Variants in UST observed in about 807,000 individuals in gnomAD.
UST encodes chondroitin sulfate 2-O-sulfotransferase.
Under a neutral mutation model 45.6 loss-of-function variants are expected in UST, and 21 were observed. The ratio of observed to expected loss-of-function variants is 0.46; its 90% CI spans 0.33 to 0.66. The LOEUF is 0.66. Ranked by LOEUF, UST falls within the 30% of genes least tolerant of loss-of-function variation. The pLI, the probability that UST is intolerant of heterozygous loss-of-function variation, is 0.02. For missense variants in UST, 463 were observed against 512.4 expected (o/e 0.90, Z 0.93); for synonymous variants, 215 against 200.6 (o/e 1.07, Z -0.61).
At chr6:148,802,531 G>A (rs549989596) in intron 1 of UST, among the ~76,000 whole-genome samples, 183 of 152,058 alleles carry the variant, frequency 1.2e-3, no homozygotes, top group Non-Finnish European at 2.0e-3. Flanking sequence ...AAGGGCTAAG[G>A]GCTTCAGAGA....
chr6:148,769,451 CA>C (rs1380111133), intron 1 of UST, among the ~76,000 whole-genome samples: 1 of 152,240 alleles, frequency 6.6e-6, no homozygotes, highest in Admixed American at 6.5e-5. Context: ...CATTGGGCTT[CA>C]AATCAGAAGT....
intron 2 of UST, among the ~76,000 whole-genome samples, chr6:148,916,930 G>A (rs1160065642): frequency 2.6e-5 from 4 of 152,220 alleles, no homozygotes; most frequent in African/African-American, 4.8e-5. Flanking sequence ...TGCTCATCAC[G>A]TTGCATAGTT....
chr6:148,936,573 CTTTTTTTTTTT>C (rs138494669), intron 2 of UST, among the ~76,000 whole-genome samples: 4 of 85,368 alleles, frequency 4.7e-5, no homozygotes, highest in African/African-American at 1.4e-4. Context: ...AAAATCAGTC[CTTTTTTTTTTT>C]TTTTTTTTTT....
chr6:149,069,273 C>CTGGATCA (rs1379310440), intron 7 of UST, among the ~76,000 whole-genome samples: 1 of 152,160 alleles, frequency 6.6e-6, no homozygotes, highest in African/African-American at 2.4e-5. Flanking sequence ...AGAAGGGTTG[C>CTGGATCA]TGGATCATGG....
At chr6:149,063,163 C>T (rs561145356) in intron 7 of UST, among the ~76,000 whole-genome samples, 2 of 152,266 alleles carry the variant, frequency 1.3e-5, no homozygotes, top group Admixed American at 1.3e-4. Flanking sequence ...AAGTCTATCC[C>T]CCTGTGGCCC....
chr6:149,000,777 ATAAT>A (rs1266065224), intron 5 of UST, among the ~76,000 whole-genome samples: 1 of 152,232 alleles, frequency 6.6e-6, no homozygotes, highest in African/African-American at 2.4e-5. Flanking sequence ...TATCTTTAAA[ATAAT>A]TAAGTAAAAT....
intron 2 of UST, among the ~76,000 whole-genome samples, chr6:148,907,075 T>C (rs1019908818): frequency 6.6e-6 from 1 of 152,192 alleles, no homozygotes; most frequent in South Asian, 2.1e-4. Context: ...TTTATTTTAT[T>C]ACGGTAAGAC....
chr6:148,844,906 T>G lies in UST; in HGVS notation c.248-42080T>G, dbSNP rs191057564. ...GGCATTTGGTTTTCTGTTCCTGTGCTAATTCACTTGGCATTATGGTCTCCA... is the reference window on the plus strand; with the variant it reads ...GGCATTTGGTTTTCTGTTCCTGTGCGAATTCACTTGGCATTATGGTCTCCA... On this transcript the variant is annotated intron_variant, in intron 1 of 7. Coordinates refer to ENST00000367463, the MANE Select transcript of UST (RefSeq NM_005715.3). Among the ~76,000 whole-genome samples the G allele has an allele frequency of 1.1e-4, 16 of 152,340 alleles. No homozygotes were observed. In the East Asian group the frequency reaches 3.1e-3, roughly 29 times the overall value.
chr6:148,812,034 G>T (rs1777267418), intron 1 of UST, among the ~76,000 whole-genome samples: 1 of 152,114 alleles, frequency 6.6e-6, no homozygotes, highest in Non-Finnish European at 1.5e-5. Flanking sequence ...ATTAAATAGT[G>T]CATTTGCAAT....
At chr6:148,951,446 T>C (rs1780362504) in intron 3 of UST, among the ~76,000 whole-genome samples, 1 of 152,162 alleles carries the variant, frequency 6.6e-6, no homozygotes, top group Admixed American at 6.5e-5. Context: ...TAATAAGTAC[T>C]CAATGAATGA....
chr6:148,840,522 A>G (rs1777868139), intron 1 of UST, among the ~76,000 whole-genome samples: 1 of 152,114 alleles, frequency 6.6e-6, no homozygotes, highest in Non-Finnish European at 1.5e-5. Flanking sequence ...CGGTATCTGC[A>G]GGGGATTGGT....
chr6:148,747,559 C>G lies in UST; in HGVS notation c.129C>G (p.Phe43Leu), dbSNP rs772017285. 7.6e-6 allele frequency: 12 copies of G among 1,575,614 alleles called. No individual in the cohort carries two copies. The highest frequency in any genetic ancestry group is 7.7e-6 in the Non-Finnish European group (9 of 1,162,696). ...TGCCCCTGCTGCCTTTCCTGCGCTT[C>G]TCCCTCCGGGACTACGGCTTCTGCA... ...RRVPLLPFLR[F>L]SLRDYGFCMA... Residue 43 changes from phenylalanine (F) to leucine (L), a missense_variant, in exon 1 of 8, where the codon TTC becomes TTG. Phe to Leu is a conservative substitution (Grantham distance 22). Coordinates refer to ENST00000367463, the MANE Select transcript of UST (RefSeq NM_005715.3).
At chr6:149,003,204 T>C (rs894313514) in intron 5 of UST, among the ~76,000 whole-genome samples, 1 of 152,216 alleles carries the variant, frequency 6.6e-6, no homozygotes, top group Non-Finnish European at 1.5e-5. Flanking sequence ...CTTTAAACTG[T>C]ATTAGAATAG....
At chr6:149,062,096 GT>G (rs1330864251) in intron 7 of UST, among the ~76,000 whole-genome samples, 1 of 152,234 alleles carries the variant, frequency 6.6e-6, no homozygotes, top group Non-Finnish European at 1.5e-5. Flanking sequence ...AGCTATTTGT[GT>G]TTGTGGTGAA....
intron 3 of UST, among the ~76,000 whole-genome samples, chr6:148,945,107 T>C (rs1780210022): frequency 6.6e-6 from 1 of 152,226 alleles, no homozygotes; most frequent in Non-Finnish European, 1.5e-5. Context: ...ATAATTTTAC[T>C]ATTTCTATTT....
intron 1 of UST, among the ~76,000 whole-genome samples, chr6:148,768,074 C>T (rs1318367900): frequency 6.6e-6 from 1 of 152,146 alleles, no homozygotes; most frequent in Non-Finnish European, 1.5e-5. Flanking sequence ...ACTGATTTTA[C>T]AAACCGGCAC....
intron 3 of UST, among the ~76,000 whole-genome samples, chr6:148,945,027 T>C (rs932802302): frequency 1.3e-5 from 2 of 152,142 alleles, no homozygotes; most frequent in Non-Finnish European, 2.9e-5. Flanking sequence ...GTATTACAAC[T>C]ATGAGAATCC....
chr6:148,781,718 G>T (rs1244568680), intron 1 of UST, among the ~76,000 whole-genome samples: 1 of 152,186 alleles, frequency 6.6e-6, no homozygotes, highest in Admixed American at 6.5e-5. Context: ...ATGACAGGCT[G>T]ATTTTCCTGT....
intron 1 of UST, among the ~76,000 whole-genome samples, chr6:148,855,586 T>C (rs1778188704): frequency 1.3e-5 from 2 of 152,176 alleles, no homozygotes; most frequent in South Asian, 2.1e-4. Context: ...TAGTTTCCAA[T>C]CAGAGTAAAA....
Sources: gnomAD v4.1 joint callset for allele counts (sites outside exome capture counted in the v4.1 genomes callset) on GRCh38, gnomAD v4.1.1 for gene constraint, MANE v1.5 for transcripts, NCBI Gene and HGNC (gene_info 2026-07-23, HGNC 2026-07-21) for gene names.